Variants in JAZF1 observed in about 807,000 individuals in gnomAD.
JAZF1 encodes juxtaposed with another zinc finger protein 1.
A neutral mutation model predicts 26.4 loss-of-function variants in JAZF1; 8 were observed. The ratio of observed to expected loss-of-function variants is 0.30; its 90% CI spans 0.18 to 0.55. The LOEUF is 0.55. JAZF1 is among the 20% of genes least tolerant of loss of function. The pLI is 0.94. For synonymous variants in JAZF1, 126 were observed against 122.3 expected (o/e 1.03, Z -0.20); for missense variants, 199 against 322.0 (o/e 0.62, Z 2.92).
At chr7:27,853,826 G>A (rs1388758995) in intron 3 of JAZF1, among the ~76,000 whole-genome samples, 1 of 152,208 alleles carries the variant, frequency 6.6e-6, no homozygotes, top group Non-Finnish European at 1.5e-5. Flanking sequence ...AGTTTGATGA[G>A]GTGCTGAGAA....
At chr7:27,942,363 A>G (rs1784860574) in intron 2 of JAZF1, among the ~76,000 whole-genome samples, 2 of 152,226 alleles carry the variant, frequency 1.3e-5, no homozygotes, top group Admixed American at 6.5e-5. Context: ...CAAATGTCTT[A>G]AAGAATTCAA....
intron 2 of JAZF1, among the ~76,000 whole-genome samples, chr7:27,921,939 G>T (rs946981093): frequency 1.3e-5 from 2 of 152,202 alleles, no homozygotes; most frequent in Non-Finnish European, 2.9e-5. Context: ...TAAGGAAGAA[G>T]AAATTAGAAG....
At chr7:28,091,469 G>T (rs183475847) in intron 1 of JAZF1, among the ~76,000 whole-genome samples, 155 of 151,248 alleles carry the variant, frequency 1.0e-3, no homozygotes, top group Non-Finnish European at 4.1e-4. Context: ...TTTTATTTAG[G>T]TATTTCCCAT....
chr7:28,001,349 C>T (rs373698094), intron 1 of JAZF1, among the ~76,000 whole-genome samples: 35 of 149,200 alleles, frequency 2.3e-4, no homozygotes, highest in African/African-American at 8.7e-4. Context: ...GAGACCCTGT[C>T]TCAAAAAAAA....
intron 1 of JAZF1, among the ~76,000 whole-genome samples, chr7:28,040,907 T>C (rs1783379171): frequency 6.6e-6 from 1 of 152,136 alleles, no homozygotes; most frequent in Non-Finnish European, 1.5e-5. Context: ...ATATTTAATT[T>C]AATATGCCCC....
intron 1 of JAZF1, among the ~76,000 whole-genome samples, chr7:28,066,509 A>G (rs978057110): frequency 6.8e-6 from 1 of 147,878 alleles, no homozygotes; most frequent in Non-Finnish European, 1.5e-5. Flanking sequence ...AGGCTGAGGC[A>G]GGAGAATTGC....
intron 2 of JAZF1, among the ~76,000 whole-genome samples, chr7:27,972,924 C>CAT (rs888880787): frequency 1.4e-5 from 2 of 142,548 alleles, no homozygotes; most frequent in Non-Finnish European, 3.0e-5. Context: ...ATATTTTATG[C>CAT]ATATATATGT....
Position 27,840,631 on chromosome 7 carries a change from C to T in JAZF1, c.555+67G>A, listed in dbSNP as rs749805404. 1.7e-5 allele frequency: 26 copies of T among 1,515,108 alleles called. No homozygotes were observed. Among genetic ancestry groups the T allele is most frequent in the African/African-American group, 1.4e-4 (10 of 72,720 alleles). 93.9% of individuals were successfully genotyped at this position (1,515,108 alleles called of 1,614,324 possible). A position where few individuals can be genotyped will look rare whatever the true frequency, so the allele number is the denominator to read the frequency against. Reference sequence around the variant, plus strand: ...CGCTCGCTTTAAAATCAAGAAAGGGCTGCTGCCTTCCATGAAGCTTGCCCT... The same window carrying T: ...CGCTCGCTTTAAAATCAAGAAAGGGTTGCTGCCTTCCATGAAGCTTGCCCT... On this transcript the variant is annotated intron_variant, in intron 4 of 4. Coordinates refer to ENST00000283928, the MANE Select transcript of JAZF1 (RefSeq NM_175061.4). The surrounding 1 kb of genome is among the most constrained non-coding windows in gnomAD (Gnocchi z 5.1).
chr7:28,109,913 A>G (rs1784615065), intron 1 of JAZF1, among the ~76,000 whole-genome samples: 2 of 152,258 alleles, frequency 1.3e-5, no homozygotes, highest in Non-Finnish European at 2.9e-5. Flanking sequence ...GCCTAAGTGA[A>G]TTTAAAAAAG....
intron 2 of JAZF1, among the ~76,000 whole-genome samples, chr7:27,986,162 G>T (rs1286968134): frequency 2.6e-5 from 4 of 152,160 alleles, no homozygotes; most frequent in African/African-American, 4.8e-5. Context: ...AGGAAAAGAG[G>T]ATGTCAAATT....
At chr7:27,914,923 C>T (rs1388748052) in intron 2 of JAZF1, 9 of 438,812 alleles carry the variant, frequency 2.1e-5, no homozygotes, top group Non-Finnish European at 3.3e-5. Context: ...ACCAGAGCGC[C>T]ATTTACTTTA....
intron 3 of JAZF1, among the ~76,000 whole-genome samples, chr7:27,880,541 G>A (rs1398334675): frequency 6.6e-6 from 1 of 152,076 alleles, no homozygotes; most frequent in Non-Finnish European, 1.5e-5. Flanking sequence ...GCTGAGGCAG[G>A]AGAATTGCTT....
intron 2 of JAZF1, among the ~76,000 whole-genome samples, chr7:27,933,036 A>G (rs1784709576): frequency 6.6e-6 from 1 of 152,170 alleles, no homozygotes; most frequent in South Asian, 2.1e-4. Context: ...TGTTACTGGG[A>G]TGGACATTAT....
At chr7:28,175,769 A>T (rs960703618) in intron 1 of JAZF1, among the ~76,000 whole-genome samples, 2 of 152,202 alleles carry the variant, frequency 1.3e-5, no homozygotes, top group African/African-American at 4.8e-5. Context: ...AGCTTTGCAT[A>T]CCTGTCTGGA....
intron 1 of JAZF1, among the ~76,000 whole-genome samples, chr7:28,094,766 T>TA (rs201674074): frequency 4.9e-4 from 74 of 151,936 alleles, no homozygotes; most frequent in African/African-American, 1.8e-3. Flanking sequence ...AAATTATTAT[T>TA]TTTTATTTTT....
intron 1 of JAZF1, among the ~76,000 whole-genome samples, chr7:28,090,812 T>C (rs1358830139): frequency 2.0e-5 from 3 of 148,654 alleles, no homozygotes; most frequent in Non-Finnish European, 4.4e-5. Context: ...GACTTTTTTT[T>C]AGTTGTTTTT....
At chr7:27,861,651 C>T (rs1270971152) in intron 3 of JAZF1, among the ~76,000 whole-genome samples, 1 of 151,920 alleles carries the variant, frequency 6.6e-6, no homozygotes, top group Non-Finnish European at 1.5e-5. Context: ...CTCCGGTGTG[C>T]CTTTTTTCCT....
At chr7:27,928,946 CTTAAAAG>C (rs747482714) in intron 2 of JAZF1, among the ~76,000 whole-genome samples, 74 of 152,254 alleles carry the variant, frequency 4.9e-4, no homozygotes, top group Non-Finnish European at 2.5e-4. Flanking sequence ...TACCCCTGGA[CTTAAAAG>C]TTAAAAACAG....
At chr7:28,138,364 G>C (rs916026522) in intron 1 of JAZF1, among the ~76,000 whole-genome samples, 2 of 152,206 alleles carry the variant, frequency 1.3e-5, no homozygotes, top group Non-Finnish European at 2.9e-5. Flanking sequence ...ATTAATTTAT[G>C]TATTGCCACT....
Sources: allele counts gnomAD v4.1 joint callset (sites outside exome capture counted in the v4.1 genomes callset), GRCh38; gene constraint gnomAD v4.1.1; non-coding constraint Gnocchi (gnomAD v3.1); transcripts MANE v1.5; gene names NCBI Gene and HGNC (gene_info 2026-07-23, HGNC 2026-07-21).